VPS8: variants seen among roughly 807,000 people sequenced by gnomAD.
The protein encoded by VPS8 is VPS8 subunit of CORVET complex.
A neutral mutation model predicts 216.4 loss-of-function variants in VPS8; 129 were observed. That is an observed-to-expected ratio of 0.60 (90% CI 0.52 to 0.69). The LOEUF (loss-of-function observed/expected upper bound fraction) is 0.69, where lower values mean the gene tolerates loss of function less well. Among genes scored for constraint, VPS8 ranks in the 30% least tolerant of loss-of-function variants. The pLI is 0.00. For synonymous variants in VPS8, 571 were observed against 565.4 expected (o/e 1.01, Z -0.14); for missense variants, 1,531 against 1,683.5 (o/e 0.91, Z 1.59).
chr3:184,851,346 T>A (rs949987103), intron 10 of VPS8, among the ~76,000 whole-genome samples: 1 of 152,202 alleles, frequency 6.6e-6, no homozygotes, highest in Non-Finnish European at 1.5e-5. Flanking sequence ...GATTGAATAT[T>A]TCTGAAGTCT....
At position 184,951,348 on chromosome 3, in the gene VPS8, A is replaced by G. The variant is rs538939892; in HGVS notation, c.3036-6026A>G. On this transcript the variant is annotated intron_variant, in intron 36 of 47. Coordinates refer to ENST00000625842, the MANE Select transcript of VPS8 (RefSeq NM_001009921.3). ...AAAAATATCAAAAATTAGCCAGCGT[A>G]GTGCCCCACACCTATAGTCTCAGTT... Among the ~76,000 whole-genome samples, 5 of 152,140 alleles carry G rather than the reference A, an allele frequency of 3.3e-5. No individual in the cohort carries two copies. In the South Asian group the frequency reaches 1.0e-3, roughly 32 times the overall value.
At chr3:184,988,281 A>G (rs954382769) in intron 42 of VPS8, among the ~76,000 whole-genome samples, 1 of 152,242 alleles carries the variant, frequency 6.6e-6, no homozygotes, top group Middle Eastern at 3.4e-3. Context: ...TTTTTTCCTA[A>G]AAGTTTTGTA....
chr3:184,852,587 T>C lies in VPS8; in HGVS notation c.821+20T>C, dbSNP rs1362751590. 1.2e-6 allele frequency: 2 copies of C among 1,608,364 alleles called. No individual in the cohort carries two copies. Among genetic ancestry groups the C allele is most frequent in the South Asian group, 1.1e-5 (1 of 90,032 alleles). On this transcript the variant is annotated intron_variant, in intron 11 of 47. Transcript: ENST00000625842. The stretch of plus-strand genomic sequence containing the variant: ...ATTTAAGTAAGAGACTAGTGGACAT[T>C]TGTTGACAAATGAAAAGACTAGCTC...
At chr3:184,962,761 G>GTT (rs1553886741) in intron 37 of VPS8, among the ~76,000 whole-genome samples, 15 of 93,136 alleles carry the variant, frequency 1.6e-4, no homozygotes, top group African/African-American at 4.5e-4. Context: ...GTGTGTGTGT[G>GTT]TGTGTCTTAT....
chr3:184,838,596 G>T (rs1721548153), intron 5 of VPS8, 118 bp from the exon 6 acceptor site: 1 of 784,644 alleles, frequency 1.3e-6, no homozygotes, highest in Non-Finnish European at 2.0e-6. Context: ...CAAAAATAAA[G>T]GTTCTACCTC....
chr3:185,028,953 T>G (rs1360477106), intron 46 of VPS8, among the ~76,000 whole-genome samples: 1 of 152,152 alleles, frequency 6.6e-6, no homozygotes, highest in Non-Finnish European at 1.5e-5. Context: ...TTATGAGAAG[T>G]GAGGGGGAAA....
In VPS8 at chr3:184,993,974, T is replaced by TC. The variant is rs1653783478; in HGVS notation, c.3586-7dup. The TC allele has an allele frequency of 6.5e-7, 1 of 1,534,854 alleles. No individual in the cohort carries two copies. The highest frequency in any genetic ancestry group is 1.4e-5 in the African/African-American group (1 of 72,124). On this transcript the variant is annotated splice_polypyrimidine_tract_variant and intron_variant, in intron 42 of 47. Coordinates refer to ENST00000625842, the MANE Select transcript of VPS8 (RefSeq NM_001009921.3). ...GAATTGTAACAGAATTGTAATTTTTTCCGATTAGGATCCAGTTTATGGAAA... is the reference window on the plus strand; with the variant it reads ...GAATTGTAACAGAATTGTAATTTTTTCCCGATTAGGATCCAGTTTATGGAAA...
rs1733950542 is a variant in VPS8 at position 184,898,673 on chromosome 3, T to C, written c.2094+19T>C. ...AATGGAGGTAAGATACTTCCTAACT[T>C]GGATACGTAATTAATTTTGTCTACT... On this transcript the variant is annotated intron_variant, in intron 24 of 47. Coordinates refer to ENST00000625842, the MANE Select transcript of VPS8 (RefSeq NM_001009921.3). The C allele has an allele frequency of 6.6e-7, 1 of 1,510,982 alleles. No individual in the cohort carries two copies. Among genetic ancestry groups the C allele is most frequent in the African/African-American group, 1.4e-5 (1 of 71,284 alleles). The allele number at this position is 1,510,982 out of a possible 1,614,324, so 93.6% of individuals were successfully genotyped here.
chr3:184,816,424 A>T (rs748570257), intron 1 of VPS8, among the ~76,000 whole-genome samples: 1 of 152,156 alleles, frequency 6.6e-6, no homozygotes, highest in Non-Finnish European at 1.5e-5. Context: ...ATCTGTATGT[A>T]CTTATGATCA....
intron 45 of VPS8, among the ~76,000 whole-genome samples, chr3:185,004,111 C>T (rs571303692): frequency 2.2e-4 from 34 of 152,304 alleles, no homozygotes; most frequent in African/African-American, 6.0e-4. Context: ...CTCGGCACCC[C>T]GGGAGGCCAA....
At chr3:184,896,097 A>C (rs1433026894) in intron 23 of VPS8, among the ~76,000 whole-genome samples, 3 of 152,124 alleles carry the variant, frequency 2.0e-5, no homozygotes, top group Admixed American at 6.5e-5. Flanking sequence ...GGTTTGGAAA[A>C]ATGATTATTT....
At chr3:184,905,632 T>C (rs1222115057) in intron 25 of VPS8, among the ~76,000 whole-genome samples, 1 of 151,336 alleles carries the variant, frequency 6.6e-6, no homozygotes, top group Non-Finnish European at 1.5e-5. Context: ...TTTTTTTTTT[T>C]TTTTGACAGA....
intron 11 of VPS8, among the ~76,000 whole-genome samples, chr3:184,853,635 T>C (rs1021115003): frequency 4.6e-5 from 7 of 152,074 alleles, no homozygotes; most frequent in African/African-American, 1.7e-4. Flanking sequence ...GAGTTTGGAT[T>C]TTATTTTTTA....
Position 184,944,544 on chromosome 3 carries a change from G to A in VPS8, c.3035+4301G>A, listed in dbSNP as rs142125917. The A allele has an allele frequency of 6.1e-6, 6 of 985,380 alleles. No individual in the cohort carries two copies. In the South Asian group the frequency reaches 1.4e-4, roughly 23 times the overall value. 61.0% of individuals were successfully genotyped at this position (985,380 alleles called of 1,614,324 possible). A position where few individuals can be genotyped will look rare whatever the true frequency, so the allele number is the denominator to read the frequency against. ...CTTAAAGGATAATACAAAAGGACAC[G>A]TGTTTTTTGTGAGGCCATGAGCTGC... On this transcript the variant is annotated intron_variant, in intron 36 of 47. Transcript: ENST00000625842.
chr3:184,815,042 A>C (rs1003131259), intron 1 of VPS8, among the ~76,000 whole-genome samples: 2 of 152,126 alleles, frequency 1.3e-5, no homozygotes, highest in Non-Finnish European at 2.9e-5. Flanking sequence ...ACATTACTCT[A>C]GGCCTACACA....
chr3:184,853,297 C>G (rs7614739), intron 11 of VPS8, among the ~76,000 whole-genome samples: 3,187 of 152,290 alleles, frequency 0.021, 41 homozygotes, highest in South Asian at 0.047. Context: ...TAAATGAAAT[C>G]ACCTCAGATG....
chr3:184,958,632 T>C (rs1656542934), intron 37 of VPS8, among the ~76,000 whole-genome samples: 1 of 152,204 alleles, frequency 6.6e-6, no homozygotes. Flanking sequence ...AGCTTTAGTG[T>C]GCAGAGCTTC....
chr3:184,879,315 A>AGCCC (rs1162873417), intron 21 of VPS8, among the ~76,000 whole-genome samples: 1 of 152,222 alleles, frequency 6.6e-6, no homozygotes, highest in Non-Finnish European at 1.5e-5. Context: ...GGCCCATTAT[A>AGCCC]GCCCATACAT....
intron 40 of VPS8, among the ~76,000 whole-genome samples, chr3:184,977,299 T>C (rs1004038874): frequency 7.2e-5 from 11 of 152,222 alleles, no homozygotes; most frequent in African/African-American, 2.4e-4. Flanking sequence ...CACTTTGTAA[T>C]GGAGTTATTT....
Sources: allele counts gnomAD v4.1 joint callset (sites outside exome capture counted in the v4.1 genomes callset), GRCh38; gene constraint gnomAD v4.1.1; transcripts MANE v1.5; gene names NCBI Gene and HGNC (gene_info 2026-07-23, HGNC 2026-07-21).